The following PLOD2 variants were observed in gnomAD, a reference collection of about 807,000 sequenced individuals.
PLOD2 encodes procollagen-lysine,2-oxoglutarate 5-dioxygenase 2.
Under a neutral mutation model 101.0 loss-of-function variants are expected in PLOD2, and 65 were observed. The ratio of observed to expected loss-of-function variants is 0.64; its 90% CI spans 0.53 to 0.79. The LOEUF (loss-of-function observed/expected upper bound fraction) is 0.79. Among genes scored for constraint, PLOD2 ranks in the 30% least tolerant of loss-of-function variants. The probability of loss-of-function intolerance (pLI) is 0.00; values close to 1 mark genes in which losing one functional copy is unlikely to be tolerated. For missense variants in PLOD2, 909 were observed against 914.6 expected (o/e 0.99, Z 0.08); for synonymous variants, 314 against 302.9 (o/e 1.04, Z -0.38).
chr3:146,146,738 A>G (rs142887168), intron 1 of PLOD2, among the ~76,000 whole-genome samples: 13 of 152,350 alleles, frequency 8.5e-5, no homozygotes, highest in African/African-American at 2.9e-4. Flanking sequence ...GGACAGAGGT[A>G]GTAGCCTCCT....
In PLOD2 at chr3:146,094,880, C is replaced by T. The variant is rs577441776; in HGVS notation, c.778-2979G>A. ...ACTGGTAACAAAACAGATATATAGA[C>T]CAATGGAACAGAACAGAGGCCTCAG... is the stretch of plus-strand genomic sequence containing the variant. On this transcript the variant is annotated intron_variant, in intron 7 of 19. Coordinates refer to ENST00000282903, the MANE Select transcript of PLOD2 (RefSeq NM_182943.3). Among the ~76,000 whole-genome samples, 378 of 152,230 alleles carry T rather than the reference C, an allele frequency of 2.5e-3. 1 individual carries two copies. Among genetic ancestry groups the T allele is most frequent in the Non-Finnish European group, 4.5e-3 (309 of 68,026 alleles).
intron 3 of PLOD2, among the ~76,000 whole-genome samples, chr3:146,120,089 T>G (rs1046830227): frequency 6.9e-6 from 1 of 145,686 alleles, no homozygotes; most frequent in Non-Finnish European, 1.5e-5. Context: ...TTTCTCCACA[T>G]CCTCTCCAGC....
At chr3:146,088,564 T>A in intron 9 of PLOD2, 22 bp downstream of exon 9, 1 of 1,478,548 alleles carries the variant, frequency 6.8e-7, no homozygotes, top group Non-Finnish European at 9.4e-7. Context: ...TGACATAAAA[T>A]ATTCATTTCT....
chr3:146,075,749 CTG>C (rs1481202707), intron 15 of PLOD2, among the ~76,000 whole-genome samples: 1 of 151,414 alleles, frequency 6.6e-6, no homozygotes, highest in Non-Finnish European at 1.5e-5. Context: ...GTGATTAAAA[CTG>C]GATGGTGCTT....
intron 3 of PLOD2, among the ~76,000 whole-genome samples, chr3:146,110,930 A>C (rs991488373): frequency 6.6e-6 from 1 of 152,212 alleles, no homozygotes; most frequent in African/African-American, 2.4e-5. Flanking sequence ...TTAATATCTG[A>C]ATGACTGTTT....
rs1576567109 is a variant in PLOD2 at position 146,070,630 on chromosome 3, T to C, written c.*87A>G. ...TCTGTTGATGTTATTTAAATATTCC[T>C]CTCATCTTCTCAGCCACAACTTCAA... On this transcript the variant is annotated 3_prime_UTR_variant, in exon 20 of 20. Coordinates refer to ENST00000282903, the MANE Select transcript of PLOD2 (RefSeq NM_182943.3). The C allele has an allele frequency of 4.8e-6, 4 of 833,350 alleles. No homozygotes were observed. The highest frequency in any genetic ancestry group is 7.9e-6 in the Non-Finnish European group (4 of 508,734). 51.6% of individuals were successfully genotyped at this position (833,350 alleles called of 1,614,324 possible).
intron 1 of PLOD2, among the ~76,000 whole-genome samples, chr3:146,133,806 G>A (rs2031068471): frequency 6.6e-6 from 1 of 152,052 alleles, no homozygotes; most frequent in Non-Finnish European, 1.5e-5. Flanking sequence ...TGTGTTATGG[G>A]CCTTACTTGA....
At chr3:146,085,625 C>A in intron 10 of PLOD2, 1 of 285,070 alleles carries the variant, frequency 3.5e-6, no homozygotes. Flanking sequence ...TCCCACAACT[C>A]AGTTTTAAAT....
chr3:146,077,619 T>G (rs1559834546), intron 14 of PLOD2: 1 of 409,386 alleles, frequency 2.4e-6, no homozygotes, highest in Non-Finnish European at 4.3e-6. Context: ...GAAAGGGACT[T>G]AGGTTTAACT....
At chr3:146,138,256 TAGAGACTCAGCATTCA>T (rs772269018) in intron 1 of PLOD2, among the ~76,000 whole-genome samples, 14 of 151,876 alleles carry the variant, frequency 9.2e-5, no homozygotes, top group Non-Finnish European at 2.1e-4. Context: ...GCCACTGTTC[TAGAGACTCAGCATTCA>T]AGACAGGACA....
At chr3:146,140,957 C>G (rs2031493209) in intron 1 of PLOD2, among the ~76,000 whole-genome samples, 1 of 151,962 alleles carries the variant, frequency 6.6e-6, no homozygotes. Context: ...ATTTTAATGT[C>G]TGAGTGTCCA....
intron 1 of PLOD2, among the ~76,000 whole-genome samples, chr3:146,141,514 G>T (rs1033263537): frequency 2.0e-5 from 3 of 152,020 alleles, no homozygotes; most frequent in African/African-American, 7.2e-5. Flanking sequence ...TTTGAGCCCT[G>T]CAAATACTCC....
chr3:146,098,729 T>C (rs531487056), intron 7 of PLOD2, among the ~76,000 whole-genome samples: 1 of 152,202 alleles, frequency 6.6e-6, no homozygotes, highest in South Asian at 2.1e-4. Context: ...ATTATATACA[T>C]TTTTAATGAA....
rs748069055 is a variant in PLOD2, at chr3:146,085,165, G to A, written c.1232+4C>T. The A allele has an allele frequency of 6.3e-6, 8 of 1,267,968 alleles. No individual in the cohort carries two copies. The highest frequency in any genetic ancestry group is 2.4e-5 in the South Asian group (2 of 83,394). The allele number at this position is 1,267,968 out of a possible 1,614,324, so 78.5% of individuals were successfully genotyped here. ...ATAAATTGATATCGAATTTTAGAAA[G>A]TACCTGTTTTGTTCAATCAAAATTT... is the stretch of plus-strand genomic sequence containing the variant. On this transcript the variant is annotated splice_donor_region_variant and intron_variant, in intron 11 of 19. Coordinates refer to ENST00000282903, the MANE Select transcript of PLOD2 (RefSeq NM_182943.3).
intron 7 of PLOD2, among the ~76,000 whole-genome samples, chr3:146,101,119 T>C (rs1013550149): frequency 2.6e-5 from 4 of 152,158 alleles, no homozygotes; most frequent in Non-Finnish European, 2.9e-5. Flanking sequence ...TCTTAATCTC[T>C]GGGTATATGT....
At position 146,077,865 on chromosome 3, in the gene PLOD2, T is replaced by TG. The variant is rs749709000; in HGVS notation, c.1559dup (p.Val523CysfsTer7). 9 of 1,573,652 alleles carry TG rather than the reference T, an allele frequency of 5.7e-6. No homozygotes were observed. Among genetic ancestry groups the TG allele is most frequent in the African/African-American group, 5.4e-5 (4 of 74,024 alleles). On this transcript the variant is annotated frameshift_variant, in exon 14 of 20. Transcript: ENST00000282903. LOFTEE classifies it high-confidence loss of function. ...ATAAAATAAGTAAAAATAACACCTT[T>TG]GGGGGGCTGAGCATTTGGAATGTTT...
chr3:146,160,804 G>C (rs34803917), intron 1 of PLOD2, 77 bp downstream of exon 1: 3 of 924,586 alleles, frequency 3.2e-6, no homozygotes, highest in Non-Finnish European at 5.1e-6. Flanking sequence ...CAGCCCCGCG[G>C]AAGGGCTGGT....
chr3:146,095,463 C>T (rs1262885262), intron 7 of PLOD2, among the ~76,000 whole-genome samples: 1 of 151,884 alleles, frequency 6.6e-6, no homozygotes, highest in African/African-American at 2.4e-5. Flanking sequence ...AAAAAAAGCT[C>T]ATCATCACTG....
At chr3:146,155,296 C>T (rs1300274302) in intron 1 of PLOD2, among the ~76,000 whole-genome samples, 5 of 151,180 alleles carry the variant, frequency 3.3e-5, no homozygotes, top group Admixed American at 6.6e-5. Context: ...TGCATTCTAG[C>T]CTGACCTACA....
Sources: allele counts gnomAD v4.1 joint callset (sites outside exome capture counted in the v4.1 genomes callset), GRCh38; gene constraint gnomAD v4.1.1; transcripts MANE v1.5; gene names NCBI Gene and HGNC (gene_info 2026-07-23, HGNC 2026-07-21).